Variants in TENM3 observed in about 807,000 individuals in gnomAD.
TENM3 encodes the protein teneurin transmembrane protein 3, also known as teneurin-3.
Under a neutral mutation model 255.1 loss-of-function variants are expected in TENM3, and 63 were observed. The ratio of observed to expected loss-of-function variants is 0.25; its 90% CI spans 0.20 to 0.30. The LOEUF (loss-of-function observed/expected upper bound fraction) is 0.30. Ranked by LOEUF, TENM3 falls within the 10% of genes least tolerant of loss-of-function variation. The pLI is 1.00. For missense variants in TENM3, 2,929 were observed against 3,461.1 expected (o/e 0.85, Z 3.86); for synonymous variants, 1,306 against 1,322.3 (o/e 0.99, Z 0.27).
the TENM3 span, among the ~76,000 whole-genome samples, chr4:182,064,944 G>A: frequency 6.6e-6 from 1 of 152,046 alleles, no homozygotes. Flanking sequence ...AACTTTGATG[G>A]TGCTCTTTTG....
chr4:182,135,201 T>A, the TENM3 span, among the ~76,000 whole-genome samples: 5 of 66,052 alleles, frequency 7.6e-5, no homozygotes, highest in Non-Finnish European at 1.3e-4. Flanking sequence ...TGAGACTCGG[T>A]CTCAAAAAAA....
At chr4:182,010,674 A>G in the TENM3 span, among the ~76,000 whole-genome samples, 1 of 152,156 alleles carries the variant, frequency 6.6e-6, no homozygotes, top group South Asian at 2.1e-4. Flanking sequence ...ATTGTGTTTT[A>G]TACAGCAAGG....
At chr4:181,533,453 TCAA>T in the TENM3 span, among the ~76,000 whole-genome samples, 1 of 152,152 alleles carries the variant, frequency 6.6e-6, no homozygotes, top group African/African-American at 2.4e-5. Context: ...CTTTATGTTC[TCAA>T]CAACAACATG....
intron 1 of TENM3, among the ~76,000 whole-genome samples, chr4:182,145,507 T>G (rs1450501104): frequency 6.6e-6 from 1 of 152,202 alleles, no homozygotes; most frequent in Non-Finnish European, 1.5e-5. Flanking sequence ...TGTGTCTGAT[T>G]GATCTTTGCT....
At chr4:182,506,083 A>G (rs1736787966) in intron 3 of TENM3, among the ~76,000 whole-genome samples, 1 of 152,196 alleles carries the variant, frequency 6.6e-6, no homozygotes, top group African/African-American at 2.4e-5. Context: ...GGAGGCACAA[A>G]TTATTAAGAG....
the TENM3 span, among the ~76,000 whole-genome samples, chr4:181,598,265 G>GT: frequency 6.6e-6 from 1 of 152,112 alleles, no homozygotes; most frequent in East Asian, 1.9e-4. Flanking sequence ...ATATCCCATA[G>GT]TATTTCTCTA....
chr4:182,139,499 T>C (rs532125156), upstream of TENM3, among the ~76,000 whole-genome samples: 5 of 152,326 alleles, frequency 3.3e-5, no homozygotes, highest in East Asian at 9.6e-4. Flanking sequence ...CACTATTGTA[T>C]CATAAACCTT....
At chr4:182,582,226 A>G (rs1451762684) in intron 3 of TENM3, among the ~76,000 whole-genome samples, 1 of 152,210 alleles carries the variant, frequency 6.6e-6, no homozygotes, top group African/African-American at 2.4e-5. Flanking sequence ...TACTGCCTTA[A>G]TACGAATACT....
At chr4:181,762,950 A>T in the TENM3 span, among the ~76,000 whole-genome samples, 3 of 152,216 alleles carry the variant, frequency 2.0e-5, no homozygotes, top group Non-Finnish European at 4.4e-5. Context: ...CATATTTATT[A>T]GCAATATATA....
chr4:181,910,390 C>G, the TENM3 span, among the ~76,000 whole-genome samples: 1 of 151,612 alleles, frequency 6.6e-6, no homozygotes, highest in African/African-American at 2.4e-5. Flanking sequence ...TATGGTGAAA[C>G]CCCGCCTCTA....
the TENM3 span, among the ~76,000 whole-genome samples, chr4:181,986,187 C>A: frequency 6.6e-6 from 1 of 152,178 alleles, no homozygotes; most frequent in East Asian, 1.9e-4. Flanking sequence ...TCCTATCGCA[C>A]TGACAAGATA....
chr4:182,579,504 G>A (rs956341468), intron 3 of TENM3, among the ~76,000 whole-genome samples: 2 of 152,318 alleles, frequency 1.3e-5, no homozygotes, highest in East Asian at 1.9e-4. Flanking sequence ...GTGGAAAGGT[G>A]AAATAGTTGA....
At chr4:181,743,719 A>G in the TENM3 span, among the ~76,000 whole-genome samples, 9 of 152,112 alleles carry the variant, frequency 5.9e-5, no homozygotes, top group African/African-American at 1.2e-4. Flanking sequence ...TTTTTCATCT[A>G]TGTAAGATGG....
At chr4:182,154,110 A>T (rs930107296) in intron 1 of TENM3, among the ~76,000 whole-genome samples, 21 of 152,090 alleles carry the variant, frequency 1.4e-4, no homozygotes, top group Admixed American at 3.3e-4. Flanking sequence ...GAGTAGATAT[A>T]AATTATTAAT....
the TENM3 span, among the ~76,000 whole-genome samples, chr4:181,779,621 CCTGT>C: frequency 3.3e-5 from 5 of 151,820 alleles, no homozygotes; most frequent in African/African-American, 7.3e-5. Flanking sequence ...AAGAGTTCTG[CCTGT>C]CTAACTTAAA....
chr4:181,890,095 A>G, the TENM3 span, among the ~76,000 whole-genome samples: 1 of 152,202 alleles, frequency 6.6e-6, no homozygotes, highest in Non-Finnish European at 1.5e-5. Context: ...TCTGTCAGGT[A>G]TGAGGTTCAG....
At chr4:181,466,368 G>C in the TENM3 span, among the ~76,000 whole-genome samples, 1 of 151,846 alleles carries the variant, frequency 6.6e-6, no homozygotes, top group Non-Finnish European at 1.5e-5. Context: ...CACCCGCCTC[G>C]GCCTCTCAAA....
chr4:181,748,118 A>G, the TENM3 span, among the ~76,000 whole-genome samples: 1 of 152,078 alleles, frequency 6.6e-6, no homozygotes, highest in Non-Finnish European at 1.5e-5. Context: ...ATTTTTAAAT[A>G]CTTATTTTTT....
intron 3 of TENM3, among the ~76,000 whole-genome samples, chr4:182,375,112 A>G (rs148537391): frequency 2.1e-3 from 319 of 152,224 alleles, no homozygotes; most frequent in African/African-American, 7.4e-3. Flanking sequence ...CCTTTTAGTC[A>G]TCCTAATAAC....
Sources: allele counts gnomAD v4.1 joint callset (sites outside exome capture counted in the v4.1 genomes callset), GRCh38; gene constraint gnomAD v4.1.1; transcripts MANE v1.5; gene names NCBI Gene and HGNC (gene_info 2026-07-23, HGNC 2026-07-21).